DGCR2: variants seen among roughly 807,000 people sequenced by gnomAD.
DGCR2 encodes the protein integral membrane protein DGCR2/IDD.
Under a neutral mutation model 51.6 loss-of-function variants are expected in DGCR2, and 24 were observed. The observed-to-expected ratio is 0.47, with a 90% CI of 0.34 to 0.65. DGCR2 has a LOEUF of 0.65. Among genes scored for constraint, DGCR2 ranks in the 30% least tolerant of loss-of-function variants. The probability of loss-of-function intolerance (pLI) is 0.01; values close to 1 mark genes in which losing one functional copy is unlikely to be tolerated. For missense variants in DGCR2, 765 were observed against 772.1 expected, an observed-to-expected ratio of 0.99 and a Z score of 0.11; for synonymous variants, 340 against 315.4, an observed-to-expected ratio of 1.08 and a Z score of -0.82.
At chr22:19,059,810 C>T (rs1169503818) in intron 5 of DGCR2, among the ~76,000 whole-genome samples, 1 of 152,140 alleles carries the variant, frequency 6.6e-6, no homozygotes, top group Non-Finnish European at 1.5e-5. Context: ...CCTCTGCCAC[C>T]ACATCCTCTC....
At chr22:19,096,868 A>AGT (rs2077250644) in intron 1 of DGCR2, among the ~76,000 whole-genome samples, 1 of 148,672 alleles carries the variant, frequency 6.7e-6, no homozygotes, top group African/African-American at 2.5e-5. Context: ...ATATTTTAAC[A>AGT]GTGTCCATTC....
At chr22:19,073,965 G>A (rs1389354545) in intron 2 of DGCR2, among the ~76,000 whole-genome samples, 1 of 152,178 alleles carries the variant, frequency 6.6e-6, no homozygotes, top group South Asian at 2.1e-4. Context: ...TGACAGGTGA[G>A]GACCACCAGG....
At chr22:19,115,185 G>T (rs945189115) in intron 1 of DGCR2, among the ~76,000 whole-genome samples, 2 of 152,190 alleles carry the variant, frequency 1.3e-5, no homozygotes, top group African/African-American at 4.8e-5. Flanking sequence ...ACCCAGGGAA[G>T]GTCCAGCCAC....
chr22:19,107,872 T>C (rs1480766756), intron 1 of DGCR2, among the ~76,000 whole-genome samples: 1 of 152,182 alleles, frequency 6.6e-6, no homozygotes, highest in Non-Finnish European at 1.5e-5. Flanking sequence ...CACATTTCGA[T>C]CATAGCCACA....
intron 1 of DGCR2, among the ~76,000 whole-genome samples, chr22:19,101,524 T>C (rs2083201528): frequency 6.6e-6 from 1 of 151,442 alleles, no homozygotes; most frequent in African/African-American, 2.4e-5. Context: ...GCGGATCACC[T>C]GAGGTCAAGA....
intron 2 of DGCR2, among the ~76,000 whole-genome samples, chr22:19,075,110 T>C (rs2082860448): frequency 6.7e-6 from 1 of 149,978 alleles, no homozygotes; most frequent in Non-Finnish European, 1.5e-5. Context: ...TTGGATTTTC[T>C]GAACTCATTT....
chr22:19,096,604 A>T (rs2854660), intron 1 of DGCR2, among the ~76,000 whole-genome samples: 47,895 of 145,186 alleles, frequency 0.33, 8,532 homozygotes, highest in African/African-American at 0.51. Context: ...TTAACAAAAA[A>T]TTTTTTTAAA....
At chr22:19,060,067 C>T (rs564483619) in intron 5 of DGCR2, among the ~76,000 whole-genome samples, 2 of 152,332 alleles carry the variant, frequency 1.3e-5, no homozygotes, top group South Asian at 4.1e-4. Flanking sequence ...GCAGCTGCCC[C>T]ACTCAGGGTC....
Position 19,048,601 on chromosome 22 carries a change from C to G in DGCR2, c.845G>C (p.Gly282Ala). The G allele has an allele frequency of 1.9e-6, 3 of 1,614,238 alleles. No individual in the cohort carries two copies. Among genetic ancestry groups the G allele is most frequent in the Non-Finnish European group, 2.5e-6 (3 of 1,180,038 alleles). ...VDIKDNVVDEGFYFTPKGDDP... is the reference protein window; with the variant it reads ...VDIKDNVVDEAFYFTPKGDDP... ...GTCCCCCTTAGGGGTGAAGTAGAAC[C>G]CTTCATCCACCACGTTGTCCTTGAT... The change falls in exon 7 of 10, where the codon GGG (glycine) becomes GCG (alanine). Residue 282 changes from glycine to alanine, a missense_variant. By Grantham distance (60) the Gly-to-Ala change is moderately conservative (BLOSUM62 0). Around this residue, in one of 3 missense-constraint regions of DGCR2, gnomAD observed 190 missense variants for 265.2 expected, o/e 0.72. Transcript: ENST00000263196.
intron 6 of DGCR2, chr22:19,056,555 A>T (rs1253188941): frequency 1.5e-5 from 3 of 194,276 alleles, no homozygotes; most frequent in African/African-American, 3.7e-5. Flanking sequence ...TGGCTTTAAT[A>T]AAAAAAAAAA....
chr22:19,057,223 C>A lies in DGCR2; in HGVS notation c.626-61G>T. On this transcript the variant is annotated intron_variant, in intron 5 of 9. Coordinates refer to ENST00000263196, the MANE Select transcript of DGCR2 (RefSeq NM_005137.3). This position sits in a 1 kb window ranked among gnomAD's most constrained non-coding sequence, Gnocchi z 5.1. ...CACATCAGAGGACAAGCTGTGCAGTCCTCAAGGGGACCATGGCGTCAGACA... is the reference window on the plus strand; with the variant it reads ...CACATCAGAGGACAAGCTGTGCAGTACTCAAGGGGACCATGGCGTCAGACA... 6.8e-7 allele frequency: 1 copy of A among 1,477,250 alleles called. No individual in the cohort carries two copies. The allele number at this position is 1,477,250 out of a possible 1,614,324, so 91.5% of individuals were successfully genotyped here. A position where few individuals can be genotyped will look rare whatever the true frequency, so the allele number is the denominator to read the frequency against.
chr22:19,040,432 C>A (rs776716282), intron 9 of DGCR2, among the ~76,000 whole-genome samples: 1 of 152,174 alleles, frequency 6.6e-6, no homozygotes, highest in Non-Finnish European at 1.5e-5. Context: ...TGTTAGGGGG[C>A]CTAATGCACA....
rs777574428 is a variant in DGCR2 at position 19,039,090 on chromosome 22, G to A, written c.1428C>T (p.Ser476=). 1 of 1,613,188 alleles carries A rather than the reference G, an allele frequency of 6.2e-7. No homozygotes were observed. Among genetic ancestry groups the A allele is most frequent in the Non-Finnish European group, 8.5e-7 (1 of 1,179,982 alleles). ...DDDAFEPVEV[S]LPAPGDGGSE... is the part of the protein sequence containing the mutation. ...TCCCACCATCCCCAGGGGCTGGCAG[G>A]CTGACCTCCACAGGCTCAAAAGCAT... The change falls in exon 10 of 10, where the codon AGC becomes AGT. Residue 476 remains serine (S), a synonymous_variant. Transcript: ENST00000263196.
At chr22:19,116,168 G>A (rs2083371407) in intron 1 of DGCR2, among the ~76,000 whole-genome samples, 2 of 152,342 alleles carry the variant, frequency 1.3e-5, no homozygotes, top group South Asian at 2.1e-4. Context: ...CCATGGGCCA[G>A]GATGAGAAGG....
chr22:19,103,499 C>CGG (rs2034393979), intron 1 of DGCR2, among the ~76,000 whole-genome samples: 1 of 129,440 alleles, frequency 7.7e-6, no homozygotes, highest in African/African-American at 2.9e-5. Context: ...GGCAAGATCT[C>CGG]GGCTTACTGC....
In DGCR2 at chr22:19,062,775, G is replaced by GCTCTCTCTCTCTCTCT. The variant is rs1491258740; in HGVS notation, c.625+426_625+427insAGAGAGAGAGAGAGAG. The stretch of plus-strand genomic sequence containing the variant: ...TCTTTGCGCACACACACACATGCAT[G>GCTCTCTCTCTCTCTCT]CTCACTCTCTCTCTCTCTCTCTCTC... On this transcript the variant is annotated intron_variant, in intron 5 of 9. Transcript: ENST00000263196. 1.1e-3 allele frequency among the ~76,000 whole-genome samples: 121 copies of GCTCTCTCTCTCTCTCT among 108,934 alleles called. 1 individual carries two copies. The highest frequency in any genetic ancestry group is 2.3e-3 in the Admixed American group (25 of 10,800). 71.5% of individuals were successfully genotyped at this position (108,934 alleles called of 152,430 possible). A position where few individuals can be genotyped will look rare whatever the true frequency, so the allele number is the denominator to read the frequency against.
intron 9 of DGCR2, 47 bp downstream of exon 9, chr22:19,041,011 G>A: frequency 6.7e-7 from 1 of 1,497,932 alleles, no homozygotes; most frequent in Non-Finnish European, 9.1e-7. Flanking sequence ...AGCCCCACGT[G>A]CCAGGTTACT....
At chr22:19,061,146 G>T (rs759030524) in intron 5 of DGCR2, 6 of 235,106 alleles carry the variant, frequency 2.6e-5, no homozygotes, top group East Asian at 1.5e-4. Flanking sequence ...GGGTATTTTT[G>T]GGGGGGCCAA....
In DGCR2 at chr22:19,089,943, T is replaced by A. The variant is rs569380829; in HGVS notation, c.80-453A>T. On this transcript the variant is annotated intron_variant, in intron 1 of 9. Transcript: ENST00000263196. ...GCCACAAATATGTATTGTCTATGGC[T>A]GCTTTCAAGCTACAGCAGCCGAGCT... 2.0e-5 allele frequency among the ~76,000 whole-genome samples: 3 copies of A among 152,362 alleles called. No homozygotes were observed. In the South Asian group the frequency reaches 6.2e-4, roughly 32 times the overall value.
Sources: allele counts gnomAD v4.1 joint callset (sites outside exome capture counted in the v4.1 genomes callset), GRCh38; gene constraint gnomAD v4.1.1; regional missense constraint gnomAD v4.1.1; non-coding constraint Gnocchi (gnomAD v3.1); transcripts MANE v1.5; gene names NCBI Gene and HGNC (gene_info 2026-07-23, HGNC 2026-07-21).